The following CEP112 variants were observed in gnomAD, a reference collection of about 807,000 sequenced individuals.
CEP112 encodes centrosomal protein of 112 kDa.
Under a neutral mutation model 153.0 loss-of-function variants are expected in CEP112, and 127 were observed. The ratio of observed to expected loss-of-function variants is 0.83; its 90% confidence interval spans 0.72 to 0.96. CEP112 has a LOEUF of 0.96. CEP112 is among the 40% of genes least tolerant of loss of function. The pLI is 0.00. For synonymous variants in CEP112, 358 were observed against 374.4 expected (o/e 0.96, Z 0.51); for missense variants, 1,089 against 1,101.2 (o/e 0.99, Z 0.16).
At chr17:66,001,812 T>C (rs1292943748) in intron 17 of CEP112, among the ~76,000 whole-genome samples, 3 of 152,328 alleles carry the variant, frequency 2.0e-5, no homozygotes, top group Admixed American at 6.5e-5. Context: ...TTTTATACCA[T>C]CATTTTCCTT....
intron 20 of CEP112, among the ~76,000 whole-genome samples, chr17:65,864,953 T>C (rs973190945): frequency 7.9e-6 from 1 of 126,360 alleles, no homozygotes; most frequent in Admixed American, 8.9e-5. Flanking sequence ...TGTGTGTGTG[T>C]GTGTGTGTGT....
intron 17 of CEP112, among the ~76,000 whole-genome samples, chr17:65,984,179 G>GT (rs564281086): frequency 2.1e-5 from 2 of 96,236 alleles, no homozygotes; most frequent in Admixed American, 8.0e-5. Flanking sequence ...AAATCCAAGG[G>GT]TTTTTTTTAA....
At chr17:65,678,607 G>C (rs2047352025) in intron 24 of CEP112, among the ~76,000 whole-genome samples, 1 of 152,170 alleles carries the variant, frequency 6.6e-6, no homozygotes, top group African/African-American at 2.4e-5. Context: ...GCCTGGCTTT[G>C]AACCCTCCAG....
intron 21 of CEP112, among the ~76,000 whole-genome samples, chr17:65,833,021 C>T (rs756204108): frequency 1.4e-4 from 21 of 152,254 alleles, no homozygotes; most frequent in African/African-American, 2.2e-4. Context: ...ATCAAGTAGA[C>T]GTCATCCCCA....
intron 24 of CEP112, among the ~76,000 whole-genome samples, chr17:65,648,794 T>C (rs2143539574): frequency 1.3e-5 from 2 of 152,342 alleles, no homozygotes; most frequent in East Asian, 3.9e-4. Flanking sequence ...CTCATGCCTG[T>C]AATCCCAGCA....
chr17:65,887,862 G>A (rs1339043838), intron 20 of CEP112, among the ~76,000 whole-genome samples: 1 of 152,156 alleles, frequency 6.6e-6, no homozygotes, highest in South Asian at 2.1e-4. Flanking sequence ...CCTCATGGAG[G>A]GGGTGTTTCC....
chr17:65,861,779 A>G (rs2146397683), intron 20 of CEP112, among the ~76,000 whole-genome samples: 1 of 152,360 alleles, frequency 6.6e-6, no homozygotes, highest in Non-Finnish European at 1.5e-5. Flanking sequence ...GGGTACTCTT[A>G]CACATTATTG....
intron 16 of CEP112, among the ~76,000 whole-genome samples, chr17:66,024,650 C>T (rs11869056): frequency 0.41 from 62,412 of 151,822 alleles, 14,279 homozygotes; most frequent in East Asian, 0.87. Flanking sequence ...TTGTAGATGA[C>T]ACAAACAAAT....
At position 66,171,554 on chromosome 17, in the gene CEP112, G is replaced by A. The variant is rs1285033582; in HGVS notation, c.470+3490C>T. Among the ~76,000 whole-genome samples, 3 of 152,238 alleles carry A rather than the reference G, an allele frequency of 2.0e-5. No individual in the cohort carries two copies. In the East Asian group the frequency reaches 5.8e-4, roughly 29 times the overall value. On this transcript the variant is annotated intron_variant, in intron 4 of 26. Coordinates refer to ENST00000535342, the MANE Select transcript of CEP112 (RefSeq NM_001199165.4). ...CATTAGCATACTATGATCACTCAGA[G>A]TAAAGGAGGAAATTTAGAAAAGAAA...
Position 66,112,877 on chromosome 17 carries a change from C to T in CEP112, c.643-16245G>A, listed in dbSNP as rs149248345. Among the ~76,000 whole-genome samples, 1,435 of 152,058 alleles carry T rather than the reference C, an allele frequency of 9.4e-3. 19 individuals are homozygous for T. The highest frequency in any genetic ancestry group is 0.032 in the African/African-American group (1,311 of 41,442). ...AGGAGAATCGCTTGAACCCGAGAAG[C>T]GGAGGTTTCAGTGAGCCAAGATCAT... On this transcript the variant is annotated intron_variant, in intron 6 of 26. Coordinates refer to ENST00000535342, the MANE Select transcript of CEP112 (RefSeq NM_001199165.4).
chr17:66,068,928 A>T (rs765734673), intron 9 of CEP112, among the ~76,000 whole-genome samples: 4 of 152,132 alleles, frequency 2.6e-5, no homozygotes, highest in Non-Finnish European at 5.9e-5. Flanking sequence ...AAACTAAAGT[A>T]AAACTCTAGT....
intron 18 of CEP112, among the ~76,000 whole-genome samples, chr17:65,940,813 T>G (rs1243109432): frequency 2.6e-5 from 4 of 152,168 alleles, no homozygotes; most frequent in Non-Finnish European, 5.9e-5. Flanking sequence ...TTTCTAGTGA[T>G]CAACTGCAGA....
At chr17:66,145,641 T>C (rs1409870670) in intron 4 of CEP112, among the ~76,000 whole-genome samples, 1 of 152,156 alleles carries the variant, frequency 6.6e-6, no homozygotes, top group African/African-American at 2.4e-5. Context: ...ACCATGTATA[T>C]GAGGGCTCAC....
At position 66,063,031 on chromosome 17, in the gene CEP112, G is replaced by C. The variant is rs144220868; in HGVS notation, c.1006C>G (p.Gln336Glu). ...CATATCTTTTTCAGCTCTGCAATCT[G>C]GTCTTCTTTAGTCTCTCTGATAACT... The part of the protein sequence containing the change: ...CQVIRETKED[Q>E]IAELKKICEQ... Residue 336 changes from glutamine (Q) to glutamate (E), a missense_variant, in exon 11 of 27, where the codon CAG (glutamine) becomes GAG (glutamate). Coordinates refer to ENST00000535342, the MANE Select transcript of CEP112 (RefSeq NM_001199165.4). 31 of 1,598,668 alleles carry C rather than the reference G, an allele frequency of 1.9e-5. No individual in the cohort carries two copies. In the African/African-American group the frequency reaches 3.2e-4, roughly 17 times the overall value.
At position 66,191,674 on chromosome 17, in the gene CEP112, G is replaced by C. The variant is rs1050380664; in HGVS notation, c.-9+323C>G. The C allele has an allele frequency of 6.5e-6, 1 of 153,044 alleles. No individual in the cohort carries two copies. Among genetic ancestry groups the C allele is most frequent in the African/African-American group, 2.4e-5 (1 of 41,496 alleles). The allele number at this position is 153,044 out of a possible 1,614,324, so 9.5% of individuals were successfully genotyped here. ...GCGCTCCTACCTTGTCCAGGACACA[G>C]ATTTCCTCTCCCAGTCGCAAACCCT... On this transcript the variant is annotated intron_variant, in intron 1 of 26. Transcript: ENST00000535342. This position sits in a 1 kb window ranked among gnomAD's most constrained non-coding sequence, Gnocchi z 4.2.
intron 21 of CEP112, among the ~76,000 whole-genome samples, chr17:65,842,057 TG>T (rs1428971424): frequency 1.3e-5 from 2 of 152,094 alleles, no homozygotes; most frequent in Non-Finnish European, 2.9e-5. Flanking sequence ...TGTCTTTTGC[TG>T]TATTGATCTA....
intron 21 of CEP112, among the ~76,000 whole-genome samples, chr17:65,793,023 T>G (rs1291778690): frequency 6.6e-6 from 1 of 151,928 alleles, no homozygotes; most frequent in Admixed American, 6.6e-5. Flanking sequence ...GAAGCTCCTG[T>G]CTACAGAAAG....
At chr17:66,131,989 T>G (rs1014337828) in intron 5 of CEP112, among the ~76,000 whole-genome samples, 1 of 150,882 alleles carries the variant, frequency 6.6e-6, no homozygotes, top group Non-Finnish European at 1.5e-5. Flanking sequence ...GTCAACATGG[T>G]GAAACCCTGT....
chr17:65,862,294 T>C (rs763388741), intron 20 of CEP112, among the ~76,000 whole-genome samples: 3 of 152,136 alleles, frequency 2.0e-5, no homozygotes, highest in African/African-American at 4.8e-5. Context: ...ATTTTAATAG[T>C]GTTCCAATTC....
Sources: allele counts gnomAD v4.1 joint callset (sites outside exome capture counted in the v4.1 genomes callset), GRCh38; gene constraint gnomAD v4.1.1; non-coding constraint Gnocchi (gnomAD v3.1); transcripts MANE v1.5; gene names NCBI Gene and HGNC (gene_info 2026-07-23, HGNC 2026-07-21).